Variants in SYCP1 observed in about 807,000 individuals in gnomAD.
SYCP1 encodes synaptonemal complex protein 1.
SYCP1 carries 64 observed loss-of-function variants against 153.1 expected under a neutral mutation model. That is an observed-to-expected ratio of 0.42 (90% CI 0.34 to 0.51). The LOEUF is 0.51. Ranked by LOEUF, SYCP1 falls within the 20% of genes least tolerant of loss-of-function variation. SYCP1 has a pLI of 0.06. For synonymous variants in SYCP1, 384 were observed against 341.8 expected (o/e 1.12, Z -1.36); for missense variants, 997 against 1,049.0 (o/e 0.95, Z 0.68).
At chr1:114,904,322 T>TA (rs1667678323) in intron 16 of SYCP1, among the ~76,000 whole-genome samples, 1 of 152,120 alleles carries the variant, frequency 6.6e-6, no homozygotes, top group African/African-American at 2.4e-5. Flanking sequence ...TTCACCGTGT[T>TA]AGCCAGGATG....
chr1:114,884,082 A>T (rs1666136264), intron 12 of SYCP1, among the ~76,000 whole-genome samples: 1 of 152,176 alleles, frequency 6.6e-6, no homozygotes, highest in Non-Finnish European at 1.5e-5. Flanking sequence ...AAAAATATAA[A>T]CTTGGCACGT....
intron 23 of SYCP1, among the ~76,000 whole-genome samples, chr1:114,941,682 G>A (rs1327846761): frequency 1.3e-5 from 2 of 152,010 alleles, no homozygotes; most frequent in Non-Finnish European, 2.9e-5. Context: ...AAAAAATAGA[G>A]TGAACTGGGG....
intron 23 of SYCP1, among the ~76,000 whole-genome samples, chr1:114,927,497 T>C (rs1669335971): frequency 6.6e-6 from 1 of 152,118 alleles, no homozygotes; most frequent in South Asian, 2.1e-4. Context: ...AATATGGTCA[T>C]AATGAAAGAC....
intron 27 of SYCP1, among the ~76,000 whole-genome samples, chr1:114,954,362 T>G (rs1177061332): frequency 3.3e-5 from 5 of 152,082 alleles, no homozygotes; most frequent in Non-Finnish European, 4.4e-5. Flanking sequence ...ATTTTTGTGT[T>G]TATTTTGTAT....
chr1:114,873,535 C>G (rs572244885), intron 8 of SYCP1, among the ~76,000 whole-genome samples: 1 of 152,130 alleles, frequency 6.6e-6, no homozygotes, highest in East Asian at 1.9e-4. Context: ...ATTTCCCTTC[C>G]CCCAGGTTAG....
chr1:114,900,117 C>A (rs987625474), intron 16 of SYCP1, among the ~76,000 whole-genome samples: 2 of 152,160 alleles, frequency 1.3e-5, no homozygotes, highest in Admixed American at 6.5e-5. Context: ...ACAGAAAAAC[C>A]CTATAATGCC....
intron 29 of SYCP1, among the ~76,000 whole-genome samples, chr1:114,983,303 T>G (rs1306794391): frequency 6.6e-6 from 1 of 152,052 alleles, no homozygotes; most frequent in Non-Finnish European, 1.5e-5. Context: ...TAGCTTTTCT[T>G]TCAAGGTTTT....
chr1:114,885,687 A>C, intron 13 of SYCP1, 58 bp downstream of exon 13: 1 of 987,358 alleles, frequency 1.0e-6, no homozygotes, highest in Non-Finnish European at 1.5e-6. Context: ...TCAGTCAACA[A>C]ATATTTATTA....
intron 29 of SYCP1, among the ~76,000 whole-genome samples, chr1:114,983,210 A>G (rs770529244): frequency 6.6e-6 from 1 of 152,014 alleles, no homozygotes; most frequent in African/African-American, 2.4e-5. Flanking sequence ...GCCTATAGAT[A>G]GCCCTACACA....
chr1:114,917,335 T>C (rs1239041353), intron 20 of SYCP1, among the ~76,000 whole-genome samples: 1 of 152,212 alleles, frequency 6.6e-6, no homozygotes, highest in Non-Finnish European at 1.5e-5. Flanking sequence ...TTCTTTATTA[T>C]GGCTGAATAG....
At chr1:114,947,382 A>G in intron 27 of SYCP1, 62 bp downstream of exon 27, 1 of 1,107,012 alleles carries the variant, frequency 9.0e-7, no homozygotes, top group East Asian at 2.4e-5. Context: ...TTGCATTTTT[A>G]GAATTATGTC....
chr1:114,906,108 G>A (rs1667791727), intron 16 of SYCP1, among the ~76,000 whole-genome samples: 1 of 151,882 alleles, frequency 6.6e-6, no homozygotes, highest in East Asian at 1.9e-4. Flanking sequence ...TGGGATTATA[G>A]GCATGCACTA....
At chr1:114,906,156 G>C (rs1667794678) in intron 16 of SYCP1, among the ~76,000 whole-genome samples, 1 of 151,784 alleles carries the variant, frequency 6.6e-6, no homozygotes. Context: ...TAGTAGAGAT[G>C]GGGTTTCACC....
chr1:114,878,491 A>T (rs1056107011), intron 12 of SYCP1, among the ~76,000 whole-genome samples: 1 of 152,038 alleles, frequency 6.6e-6, no homozygotes, highest in Non-Finnish European at 1.5e-5. Flanking sequence ...GAACTGTTGC[A>T]TTCCAAGTGC....
At chr1:114,898,976 C>A (rs1667241499) in intron 16 of SYCP1, among the ~76,000 whole-genome samples, 1 of 152,152 alleles carries the variant, frequency 6.6e-6, no homozygotes, top group African/African-American at 2.4e-5. Flanking sequence ...GGTCAGGAAC[C>A]CTGTATGGGG....
At chr1:114,963,900 T>C (rs1229403500) in intron 27 of SYCP1, among the ~76,000 whole-genome samples, 1 of 152,196 alleles carries the variant, frequency 6.6e-6, no homozygotes, top group Non-Finnish European at 1.5e-5. Flanking sequence ...GTAATGGGAT[T>C]GCTGGGTCAA....
intron 20 of SYCP1, among the ~76,000 whole-genome samples, chr1:114,920,546 G>A (rs1474419550): frequency 6.6e-6 from 1 of 152,018 alleles, no homozygotes; most frequent in East Asian, 1.9e-4. Context: ...CTCAAAGTCT[G>A]GGTGATTTGT....
chr1:114,926,689 A>G, intron 23 of SYCP1, 126 bp downstream of exon 23: 1 of 775,166 alleles, frequency 1.3e-6, no homozygotes, highest in Admixed American at 3.4e-5. Context: ...TGAAAAGTTG[A>G]AAGGTTGTTA....
intron 30 of SYCP1, among the ~76,000 whole-genome samples, chr1:114,989,032 T>C (rs927423391): frequency 2.0e-5 from 3 of 151,852 alleles, no homozygotes; most frequent in Non-Finnish European, 4.4e-5. Flanking sequence ...TCAGGCATTG[T>C]GGTGCACATC....
Sources: gnomAD v4.1 joint callset for allele counts (sites outside exome capture counted in the v4.1 genomes callset) on GRCh38, gnomAD v4.1.1 for gene constraint, MANE v1.5 for transcripts, NCBI Gene and HGNC (gene_info 2026-07-23, HGNC 2026-07-21) for gene names.